Variants in PHACTR1 observed in about 807,000 individuals in gnomAD.
PHACTR1 encodes the protein phosphatase and actin regulator 1.
Under a neutral mutation model 69.2 loss-of-function variants are expected in PHACTR1, and 16 were observed. The observed-to-expected ratio is 0.23, with a 90% CI of 0.16 to 0.35. PHACTR1 has a LOEUF of 0.35. Among genes scored for constraint, PHACTR1 ranks in the 10% least tolerant of loss-of-function variants. The probability of loss-of-function intolerance (pLI) is 1.00; values close to 1 mark genes in which losing one functional copy is unlikely to be tolerated. For synonymous variants in PHACTR1, 312 were observed against 284.5 expected (o/e 1.10, Z -0.97); for missense variants, 510 against 734.7 (o/e 0.69, Z 3.54).
In PHACTR1 at chr6:13,062,456, A is replaced by G. The variant is rs1807817890; in HGVS notation, c.415+8927A>G. ...ATCAATTCACCCAGAGTTGCTTATGACTTTAACAACCGCTATGTCCCAGGA... is the reference window on the plus strand; with the variant it reads ...ATCAATTCACCCAGAGTTGCTTATGGCTTTAACAACCGCTATGTCCCAGGA... On this transcript the variant is annotated intron_variant, in intron 5 of 14. Transcript: ENST00000332995. Among the ~76,000 whole-genome samples, 5 of 152,218 alleles carry G rather than the reference A, an allele frequency of 3.3e-5. No individual in the cohort carries two copies. In the South Asian group the frequency reaches 1.0e-3, roughly 32 times the overall value.
At position 13,283,696 on chromosome 6, in the gene PHACTR1, C is replaced by T; in HGVS notation, c.1650+134C>T. ...AGTCCCCATAATGGAGTGTTGAGAC[C>T]CCAACACCTTTCCCCAGGGGCCACA... On this transcript the variant is annotated intron_variant, in intron 13 of 14. Coordinates refer to ENST00000332995, the MANE Select transcript of PHACTR1 (RefSeq NM_030948.6). This position sits in a 1 kb window ranked among gnomAD's most constrained non-coding sequence, Gnocchi z 4.7. 17 of 1,310,264 alleles carry T rather than the reference C, an allele frequency of 1.3e-5. No individual in the cohort carries two copies. The highest frequency in any genetic ancestry group is 1.9e-5 in the Admixed American group (1 of 52,372). 81.2% of individuals were successfully genotyped at this position (1,310,264 alleles called of 1,614,324 possible).
At chr6:12,854,133 A>G (rs1320790687) in intron 4 of PHACTR1, among the ~76,000 whole-genome samples, 4 of 152,180 alleles carry the variant, frequency 2.6e-5, no homozygotes, top group African/African-American at 9.7e-5. Context: ...AAAACCTTCA[A>G]TGTCTTAGGA....
rs538561950 is a variant in PHACTR1 at position 13,079,116 on chromosome 6, A to AT, written c.415+25588dup. On this transcript the variant is annotated intron_variant, in intron 5 of 14. Coordinates refer to ENST00000332995, the MANE Select transcript of PHACTR1 (RefSeq NM_030948.6). ...AGATCCACCTTCATCCTCATAAGGC[A>AT]TATAGGCTGTTGTGCCCAAGCAGGA... 1.6e-3 allele frequency among the ~76,000 whole-genome samples: 245 copies of AT among 152,332 alleles called. 4 individuals carry two copies. Among genetic ancestry groups the AT allele is most frequent in the South Asian group, 4.1e-4 (2 of 4,830 alleles).
intron 4 of PHACTR1, among the ~76,000 whole-genome samples, chr6:12,946,796 T>C (rs1327966189): frequency 6.7e-6 from 1 of 148,620 alleles, no homozygotes; most frequent in Non-Finnish European, 1.5e-5. Flanking sequence ...AGTGCAATGA[T>C]GGTGCTGGAT....
At chr6:12,817,890 C>G (rs1470703059) in intron 4 of PHACTR1, among the ~76,000 whole-genome samples, 1 of 150,082 alleles carries the variant, frequency 6.7e-6, no homozygotes, top group African/African-American at 2.5e-5. Flanking sequence ...GTGGCACGAT[C>G]TCGGCTCACT....
In PHACTR1 at chr6:13,049,729, G is replaced by A. The variant is rs116724979; in HGVS notation, c.251-3636G>A. On this transcript the variant is annotated intron_variant, in intron 4 of 14. Transcript: ENST00000332995. ...ACTCAGGTTGAGAGTAATAAGTCAG[G>A]TTGTTTTAATATAAAAAATAGGTTA... Among the ~76,000 whole-genome samples the A allele has an allele frequency of 8.2e-3, 1,251 of 152,270 alleles. 3 individuals are homozygous for A. Among genetic ancestry groups the A allele is most frequent in the Non-Finnish European group, 0.013 (904 of 68,024 alleles).
chr6:13,051,597 C>T lies in PHACTR1; in HGVS notation c.251-1768C>T, dbSNP rs140545910. 3.2e-3 allele frequency among the ~76,000 whole-genome samples: 489 copies of T among 152,266 alleles called. 2 individuals are homozygous for T. Among genetic ancestry groups the T allele is most frequent in the African/African-American group, 9.8e-3 (408 of 41,562 alleles). On this transcript the variant is annotated intron_variant, in intron 4 of 14. Coordinates refer to ENST00000332995, the MANE Select transcript of PHACTR1 (RefSeq NM_030948.6). The stretch of plus-strand genomic sequence containing the variant: ...TCTATTCCTGTTGGGTCTGTTTCTC[C>T]TCCCAGGGATCCGCTTCTCCCTCTT...
At chr6:12,807,700 G>A (rs1039977081) in intron 4 of PHACTR1, among the ~76,000 whole-genome samples, 6 of 152,140 alleles carry the variant, frequency 3.9e-5, no homozygotes, top group Admixed American at 3.9e-4. Flanking sequence ...TCCTTCCTTT[G>A]TGAACCTTCC....
intron 4 of PHACTR1, among the ~76,000 whole-genome samples, chr6:12,969,764 C>T (rs1793951279): frequency 6.6e-6 from 1 of 152,086 alleles, no homozygotes; most frequent in South Asian, 2.1e-4. Flanking sequence ...GAATTGGAGA[C>T]CAGCCTGGCC....
At chr6:12,926,477 A>G (rs10498680) in intron 4 of PHACTR1, among the ~76,000 whole-genome samples, 1 of 152,102 alleles carries the variant, frequency 6.6e-6, no homozygotes, top group Non-Finnish European at 1.5e-5. Context: ...CTATGTTTGG[A>G]TACCCTACAG....
chr6:13,118,245 G>A lies in PHACTR1; in HGVS notation c.416-41959G>A, dbSNP rs771078665. Among the ~76,000 whole-genome samples the A allele has an allele frequency of 6.6e-4, 101 of 152,186 alleles. 1 individual carries two copies. Among genetic ancestry groups the A allele is most frequent in the Non-Finnish European group, 1.1e-3 (78 of 68,040 alleles). ...TATTATTGTTCACATACATCCAGAA[G>A]CACCTAGGTTTCATGGATGTATGTG... On this transcript the variant is annotated intron_variant, in intron 5 of 14. Coordinates refer to ENST00000332995, the MANE Select transcript of PHACTR1 (RefSeq NM_030948.6).
At chr6:13,202,810 C>G (rs1032038982) in intron 7 of PHACTR1, among the ~76,000 whole-genome samples, 1 of 152,230 alleles carries the variant, frequency 6.6e-6, no homozygotes. Context: ...GTAAGTGGAC[C>G]CTTCAGTAAG....
chr6:12,792,056 A>G (rs1772349271), intron 4 of PHACTR1, among the ~76,000 whole-genome samples: 1 of 152,236 alleles, frequency 6.6e-6, no homozygotes, highest in Non-Finnish European at 1.5e-5. Flanking sequence ...AGATGTTAGT[A>G]TACATGCAGG....
chr6:12,776,134 GAGTTTATTT>G (rs1010957822), intron 4 of PHACTR1, among the ~76,000 whole-genome samples: 25 of 152,278 alleles, frequency 1.6e-4, no homozygotes, highest in Non-Finnish European at 1.9e-4. Flanking sequence ...AAGCAAACCT[GAGTTTATTT>G]CTGTATCTTT....
chr6:13,113,809 G>C (rs1267187616), intron 5 of PHACTR1, among the ~76,000 whole-genome samples: 1 of 152,112 alleles, frequency 6.6e-6, no homozygotes. Flanking sequence ...TGGAAAGGAA[G>C]GAACCAACTA....
At chr6:12,734,448 C>A (rs1763980481) in intron 3 of PHACTR1, among the ~76,000 whole-genome samples, 1 of 152,058 alleles carries the variant, frequency 6.6e-6, no homozygotes, top group Non-Finnish European at 1.5e-5. Flanking sequence ...CTTGTGGGTA[C>A]TATGTTAGTC....
intron 4 of PHACTR1, among the ~76,000 whole-genome samples, chr6:12,932,212 A>G (rs915479563): frequency 2.6e-5 from 4 of 152,204 alleles, no homozygotes; most frequent in African/African-American, 9.6e-5. Context: ...GGAGAGAAGC[A>G]GTGAAGCCCA....
chr6:12,897,698 T>TTTATTA (rs10526737), intron 4 of PHACTR1, among the ~76,000 whole-genome samples: 6,585 of 148,786 alleles, frequency 0.044, 179 homozygotes, highest in South Asian at 0.11. Flanking sequence ...TTTGTAATCT[T>TTTATTA]TTATTATTAT....
chr6:12,973,309 C>T (rs1794462119), intron 4 of PHACTR1, among the ~76,000 whole-genome samples: 1 of 152,040 alleles, frequency 6.6e-6, no homozygotes, highest in Admixed American at 6.5e-5. Context: ...ATTTATTTGC[C>T]TCCAATTTTA....
Sources: allele counts gnomAD v4.1 joint callset (sites outside exome capture counted in the v4.1 genomes callset), GRCh38; gene constraint gnomAD v4.1.1; non-coding constraint Gnocchi (gnomAD v3.1); transcripts MANE v1.5; gene names NCBI Gene and HGNC (gene_info 2026-07-23, HGNC 2026-07-21).